Variants in ATP5PB observed in about 807,000 individuals in gnomAD.
ATP5PB encodes the protein ATP synthase peripheral stalk-membrane subunit b.
In ATP5PB, 21 loss-of-function variants were observed where a neutral mutation model predicts 34.5. The ratio of observed to expected loss-of-function variants is 0.61; its 90% CI spans 0.43 to 0.88. The LOEUF (loss-of-function observed/expected upper bound fraction) is 0.88, where lower values mean the gene tolerates loss of function less well. Ranked by LOEUF, ATP5PB falls within the 40% of genes least tolerant of loss-of-function variation. The probability of loss-of-function intolerance (pLI) is 0.00; values close to 1 mark genes in which losing one functional copy is unlikely to be tolerated. For synonymous variants in ATP5PB, 108 were observed against 114.1 expected, an observed-to-expected ratio of 0.95 and a Z score of 0.34; for missense variants, 293 against 317.4, an observed-to-expected ratio of 0.92 and a Z score of 0.58.
In ATP5PB at chr1:111,459,508, G is replaced by T. The variant is rs904502788; in HGVS notation, c.565G>T (p.Val189Leu). 6.2e-6 allele frequency: 10 copies of T among 1,613,836 alleles called. No homozygotes were observed. The highest frequency in any genetic ancestry group is 8.5e-6 in the Non-Finnish European group (10 of 1,179,858). ...EVTYRERLYR[V>L]YKEVKNRLDY... The stretch of plus-strand genomic sequence containing the variant: ...TACTTACCGGGAACGACTGTATAGA[G>T]TATATAAGGAAGTAAAGAATCGCCT... Residue 189 changes from valine (V) to leucine (L), a missense_variant, in exon 6 of 7, where the codon GTA becomes TTA. By Grantham distance (32) the Val-to-Leu change is conservative. Transcript: ENST00000369722.
intron 2 of ATP5PB, among the ~76,000 whole-genome samples, chr1:111,451,153 C>T (rs1017192077): frequency 5.9e-5 from 9 of 152,204 alleles, no homozygotes; most frequent in Non-Finnish European, 1.3e-4. Flanking sequence ...CCCCATCCCA[C>T]TTGAATAAAA....
Position 111,456,671 on chromosome 1 carries a change from C to T in ATP5PB, c.429C>T (p.Ile143=), listed in dbSNP as rs1002004102. The T allele has an allele frequency of 1.2e-6, 2 of 1,613,646 alleles. No homozygotes were observed. The highest frequency in any genetic ancestry group is 2.2e-5 in the South Asian group (2 of 90,994). ...TAGAAGAGGCGAAGCAGGCTTCCAT[C>T]CAACACATCCAGAATGCAATTGATA... ...AQLEEAKQAS[I]QHIQNAIDTE... Residue 143 remains isoleucine, a synonymous_variant, in exon 5 of 7, where the codon ATC becomes ATT. Transcript: ENST00000369722.
chr1:111,459,189 T>C (rs149195210), intron 5 of ATP5PB, among the ~76,000 whole-genome samples: 158 of 152,304 alleles, frequency 1.0e-3, no homozygotes, highest in Non-Finnish European at 1.9e-3. Context: ...CCTATATTTT[T>C]ATTAAATATT....
chr1:111,452,950 C>G (rs1653374709), intron 2 of ATP5PB, among the ~76,000 whole-genome samples: 1 of 152,160 alleles, frequency 6.6e-6, no homozygotes, highest in Admixed American at 6.5e-5. Context: ...ATGAAGGAAT[C>G]TCAAGCATGA....
At chr1:111,455,161 T>C (rs369457343) in intron 3 of ATP5PB, among the ~76,000 whole-genome samples, 19 of 152,314 alleles carry the variant, frequency 1.2e-4, no homozygotes, top group African/African-American at 4.3e-4. Flanking sequence ...ATTGTTTTTT[T>C]TTTAGCCCTG....
At chr1:111,452,205 C>A (rs1391125639) in intron 2 of ATP5PB, among the ~76,000 whole-genome samples, 2 of 151,744 alleles carry the variant, frequency 1.3e-5, no homozygotes, top group Non-Finnish European at 2.9e-5. Context: ...GTTGAGTTTT[C>A]AAGTCAGATT....
intron 2 of ATP5PB, among the ~76,000 whole-genome samples, chr1:111,450,527 G>A (rs1653292656): frequency 6.6e-6 from 1 of 152,162 alleles, no homozygotes; most frequent in Admixed American, 6.5e-5. Flanking sequence ...ATAAAATGGC[G>A]ATAATAGTGC....
chr1:111,449,717 G>A, intron 1 of ATP5PB, 120 bp from the exon 2 acceptor site: 1 of 1,562,254 alleles, frequency 6.4e-7, no homozygotes, highest in East Asian at 2.2e-5. Flanking sequence ...AAGGGAGCGT[G>A]GGGTCTTGAG....
rs1296862491 is a variant in ATP5PB, at chr1:111,461,566, A to G, written c.*572A>G. The G allele has an allele frequency of 1.4e-4, 22 of 152,346 alleles. No homozygotes were observed. The highest frequency in any genetic ancestry group is 1.4e-3 in the Admixed American group (22 of 15,282). 9.4% of individuals were successfully genotyped at this position (152,346 alleles called of 1,614,324 possible). A position where few individuals can be genotyped will look rare whatever the true frequency, so the allele number is the denominator to read the frequency against. On this transcript the variant is annotated 3_prime_UTR_variant, in exon 7 of 7. Transcript: ENST00000369722. ...TTATTTTAGTAGTATGCCTATAGAA[A>G]ATATTATGGACTCAGAGTGTCATAA... is the stretch of plus-strand genomic sequence containing the variant.
At chr1:111,450,324 T>G (rs1182659762) in intron 2 of ATP5PB, among the ~76,000 whole-genome samples, 1 of 152,214 alleles carries the variant, frequency 6.6e-6, no homozygotes, top group Non-Finnish European at 1.5e-5. Context: ...ATTGATTCAG[T>G]AAATATTTAT....
At chr1:111,458,073 T>C (rs147221572) in intron 5 of ATP5PB, among the ~76,000 whole-genome samples, 2,226 of 152,342 alleles carry the variant, frequency 0.015, 195 homozygotes, top group Admixed American at 0.13. Flanking sequence ...GCTGAAAATA[T>C]AGTGGAGAAC....
Position 111,456,127 on chromosome 1 carries a change from T to G in ATP5PB, c.265T>G (p.Ser89Ala), listed in dbSNP as rs1238418081. 2 of 1,611,354 alleles carry G rather than the reference T, an allele frequency of 1.2e-6. No homozygotes were observed. Among genetic ancestry groups the G allele is most frequent in the Non-Finnish European group, 1.7e-6 (2 of 1,178,966 alleles). ...AACTGGGCTTATCTTGTACGCTTTA[T>G]CCAAAGAAATATATGTGATTAGCGC... ...LGTGLILYALSKEIYVISAET... is the reference protein window; with the variant it reads ...LGTGLILYALAKEIYVISAET... Residue 89 changes from serine to alanine, a missense_variant, in exon 4 of 7, where the codon TCC (serine) becomes GCC (alanine). Transcript: ENST00000369722.
intron 1 of ATP5PB, 127 bp from the exon 2 acceptor site, chr1:111,449,710 G>C: frequency 6.4e-7 from 1 of 1,559,354 alleles, no homozygotes; most frequent in East Asian, 2.2e-5. Flanking sequence ...AGTTCGGAAG[G>C]GAGCGTGGGG....
intron 4 of ATP5PB, 62 bp from the exon 5 acceptor site, chr1:111,456,568 G>A (rs1379357952): frequency 6.4e-7 from 1 of 1,559,940 alleles, no homozygotes; most frequent in Non-Finnish European, 8.7e-7. Context: ...AGCATGAAAT[G>A]AATCTCCTTT....
At chr1:111,458,983 C>T (rs896079185) in intron 5 of ATP5PB, among the ~76,000 whole-genome samples, 2 of 152,138 alleles carry the variant, frequency 1.3e-5, no homozygotes, top group African/African-American at 2.4e-5. Context: ...CAAATGTTAA[C>T]TATTATTTGA....
In ATP5PB at chr1:111,456,562, T is replaced by G. The variant is rs1285134853; in HGVS notation, c.388-68T>G. Reference sequence around the variant, plus strand: ...TGAGATATACAACTTTGAAGAAGCATGAAATGAATCTCCTTTTTTTACCCT... The same window carrying G: ...TGAGATATACAACTTTGAAGAAGCAGGAAATGAATCTCCTTTTTTTACCCT... On this transcript the variant is annotated intron_variant, in intron 4 of 6. Coordinates refer to ENST00000369722, the MANE Select transcript of ATP5PB (RefSeq NM_001688.5). 3.9e-5 allele frequency: 61 copies of G among 1,552,994 alleles called. 1 individual carries two copies. In the South Asian group the frequency reaches 7.3e-4, roughly 19 times the overall value.
chr1:111,460,873 A>G (rs200563164), intron 6 of ATP5PB, 44 bp from the exon 7 acceptor site: 103 of 1,567,124 alleles, frequency 6.6e-5, no homozygotes, highest in Non-Finnish European at 8.3e-5. Flanking sequence ...ATACTTTTCT[A>G]TGTTTTGGAA....
chr1:111,454,403 C>T, intron 3 of ATP5PB, 47 bp downstream of exon 3: 1 of 1,538,586 alleles, frequency 6.5e-7, no homozygotes, highest in Non-Finnish European at 8.7e-7. Flanking sequence ...GATGGCACCA[C>T]TAAAATCAAG....
In ATP5PB at chr1:111,461,064, A is replaced by T. The variant is rs1653609819; in HGVS notation, c.*70A>T. ...AAATGGAAACTAGTCTATTTGACAA[A>T]GTCTTTCTGTGTTGGTGTCTACTGA... On this transcript the variant is annotated 3_prime_UTR_variant, in exon 7 of 7. Transcript: ENST00000369722. 2 of 1,416,566 alleles carry T rather than the reference A, an allele frequency of 1.4e-6. No homozygotes were observed. Among genetic ancestry groups the T allele is most frequent in the African/African-American group, 1.4e-5 (1 of 70,352 alleles). 87.7% of individuals were successfully genotyped at this position (1,416,566 alleles called of 1,614,324 possible).
Sources: gnomAD v4.1 joint callset for allele counts (sites outside exome capture counted in the v4.1 genomes callset) on GRCh38, gnomAD v4.1.1 for gene constraint, MANE v1.5 for transcripts, NCBI Gene and HGNC (gene_info 2026-07-23, HGNC 2026-07-21) for gene names.